The following SHC3 variants were observed in gnomAD, a reference collection of about 807,000 sequenced individuals.
The protein encoded by SHC3 is SHC-transforming protein 3.
In SHC3, 15 loss-of-function variants were observed where a neutral mutation model predicts 60.4. That is an observed-to-expected ratio of 0.25 (90% CI 0.17 to 0.38). The LOEUF (loss-of-function observed/expected upper bound fraction) is 0.38, where lower values mean the gene tolerates loss of function less well. Among genes scored for constraint, SHC3 ranks in the 10% least tolerant of loss-of-function variants. The pLI is 1.00. For synonymous variants in SHC3, 294 were observed against 325.9 expected, an observed-to-expected ratio of 0.90 and a Z score of 1.05; for missense variants, 677 against 786.1, an observed-to-expected ratio of 0.86 and a Z score of 1.66.
At position 89,008,384 on chromosome 9, in the gene SHC3, G is replaced by A. The variant is rs1247799299; in HGVS notation, c.*5063C>T. On this transcript the variant is annotated 3_prime_UTR_variant, in exon 12 of 12. Coordinates refer to ENST00000375835, the MANE Select transcript of SHC3 (RefSeq NM_016848.6). ...CATCAATAAGAGACAGGTAAGGGCT[G>A]GAAACTCTCACTAGTGAGTGGTTCT... 2 of 152,176 alleles carry A rather than the reference G, an allele frequency of 1.3e-5. No homozygotes were observed. The highest frequency in any genetic ancestry group is 2.9e-5 in the Non-Finnish European group (2 of 68,022). The allele number at this position is 152,176 out of a possible 1,614,324, so 9.4% of individuals were successfully genotyped here.
intron 2 of SHC3, among the ~76,000 whole-genome samples, chr9:89,094,725 C>T (rs1409880091): frequency 6.6e-6 from 1 of 152,032 alleles, no homozygotes; most frequent in South Asian, 2.1e-4. Context: ...GCCCTGCATA[C>T]TGGAAGGAAG....
At chr9:89,175,470 C>T (rs889887490) in intron 1 of SHC3, among the ~76,000 whole-genome samples, 1 of 152,198 alleles carries the variant, frequency 6.6e-6, no homozygotes, top group Non-Finnish European at 1.5e-5. Context: ...TCAAAATTCA[C>T]CAGACTTCTG....
chr9:89,075,275 A>G, intron 3 of SHC3, 47 bp from the exon 4 acceptor site: 3 of 1,602,542 alleles, frequency 1.9e-6, no homozygotes, highest in Non-Finnish European at 2.6e-6. Flanking sequence ...TTCCATCTCA[A>G]AGGGTGGGGA....
At chr9:89,021,815 T>G (rs115866197) in intron 11 of SHC3, among the ~76,000 whole-genome samples, 1,694 of 152,294 alleles carry the variant, frequency 0.011, 31 homozygotes, top group African/African-American at 0.039. Context: ...GGAAAAACTC[T>G]GTCACACACA....
chr9:89,060,375 A>AAGAT (rs1015302195), intron 6 of SHC3, among the ~76,000 whole-genome samples: 1 of 151,926 alleles, frequency 6.6e-6, no homozygotes, highest in African/African-American at 2.4e-5. Flanking sequence ...ATGGTGGTGG[A>AAGAT]AGATATGCTG....
chr9:89,173,067 A>C (rs932142596), intron 1 of SHC3, among the ~76,000 whole-genome samples: 2 of 152,222 alleles, frequency 1.3e-5, no homozygotes, highest in Non-Finnish European at 2.9e-5. Flanking sequence ...CAGGCCTCCA[A>C]CCCATAGAGA....
chr9:89,016,432 A>T lies in SHC3; in HGVS notation c.1657-2857T>A, dbSNP rs114609854. ...GCTCATAAATTTGATAATCTAAATT[A>T]AAAAATTCCTTGAAAGACACAACTT... On this transcript the variant is annotated intron_variant, in intron 11 of 11. Transcript: ENST00000375835. Among the ~76,000 whole-genome samples the T allele has an allele frequency of 3.3e-3, 501 of 152,244 alleles. 4 individuals carry two copies. The highest frequency in any genetic ancestry group is 0.011 in the African/African-American group (447 of 41,552).
intron 5 of SHC3, among the ~76,000 whole-genome samples, chr9:89,070,473 G>A (rs994546026): frequency 1.9e-4 from 29 of 152,258 alleles, no homozygotes; most frequent in Admixed American, 3.3e-4. Flanking sequence ...TGTGGATTCC[G>A]CCCTGTCCCG....
At chr9:89,090,201 CT>C (rs1202644401) in intron 2 of SHC3, among the ~76,000 whole-genome samples, 1 of 152,202 alleles carries the variant, frequency 6.6e-6, no homozygotes, top group African/African-American at 2.4e-5. Context: ...CCATTTCTCT[CT>C]CCTCCAGAGG....
intron 1 of SHC3, among the ~76,000 whole-genome samples, chr9:89,140,000 A>T (rs1826370092): frequency 6.6e-6 from 1 of 152,218 alleles, no homozygotes; most frequent in African/African-American, 2.4e-5. Context: ...CAAATGTTTA[A>T]ATTTTGAAGA....
intron 11 of SHC3, among the ~76,000 whole-genome samples, chr9:89,022,816 G>C (rs565682948): frequency 6.6e-6 from 1 of 152,242 alleles, no homozygotes; most frequent in South Asian, 2.1e-4. Flanking sequence ...TTTATTTATG[G>C]ATTTGTCTCA....
At chr9:89,095,467 G>A (rs1336553040) in intron 2 of SHC3, among the ~76,000 whole-genome samples, 1 of 152,134 alleles carries the variant, frequency 6.6e-6, no homozygotes, top group African/African-American at 2.4e-5. Flanking sequence ...GGGGAAGTGG[G>A]GAGTTGTTGT....
chr9:89,116,507 G>A (rs902971306), intron 1 of SHC3, among the ~76,000 whole-genome samples: 1 of 152,102 alleles, frequency 6.6e-6, no homozygotes, highest in Admixed American at 6.5e-5. Context: ...CAAAGCTGCA[G>A]AAATATGTGA....
chr9:89,138,158 T>C (rs2118184724), intron 1 of SHC3, among the ~76,000 whole-genome samples: 1 of 152,326 alleles, frequency 6.6e-6, no homozygotes, highest in Middle Eastern at 3.4e-3. Flanking sequence ...AGATCTGTCC[T>C]ACTGGTGGAG....
chr9:89,077,577 TAA>T (rs1433563685), intron 3 of SHC3, among the ~76,000 whole-genome samples: 2 of 152,202 alleles, frequency 1.3e-5, no homozygotes, highest in Admixed American at 1.3e-4. Flanking sequence ...GACCCTGTTT[TAA>T]GTGTCTGTTG....
In SHC3 at chr9:89,166,250, C is replaced by T. The variant is rs540362012; in HGVS notation, c.474+11737G>A. Among the ~76,000 whole-genome samples, 44 of 152,252 alleles carry T rather than the reference C, an allele frequency of 2.9e-4. No individual in the cohort carries two copies. In the South Asian group the frequency reaches 8.5e-3, roughly 29 times the overall value. On this transcript the variant is annotated intron_variant, in intron 1 of 11. Transcript: ENST00000375835. ...CCATGTCACCACAACTAGTGCAGCC[C>T]CTGGTATTTTCTCTCCTCCGTCTCC...
intron 1 of SHC3, among the ~76,000 whole-genome samples, chr9:89,174,385 A>T (rs1233899106): frequency 6.6e-6 from 1 of 152,236 alleles, no homozygotes; most frequent in Non-Finnish European, 1.5e-5. Flanking sequence ...TACTTTTCTG[A>T]TCGTTAAATC....
intron 1 of SHC3, among the ~76,000 whole-genome samples, chr9:89,157,055 G>A (rs536641465): frequency 3.9e-5 from 6 of 152,178 alleles, no homozygotes; most frequent in Admixed American, 3.3e-4. Context: ...GGTGTCAAGC[G>A]TAAGCAACCC....
At chr9:89,140,289 C>G (rs994471676) in intron 1 of SHC3, among the ~76,000 whole-genome samples, 22 of 152,232 alleles carry the variant, frequency 1.4e-4, no homozygotes, top group Middle Eastern at 3.4e-3. Context: ...GGAAAGCATG[C>G]ATTTTCTAGG....
Sources: gnomAD v4.1 joint callset for allele counts (sites outside exome capture counted in the v4.1 genomes callset) on GRCh38, gnomAD v4.1.1 for gene constraint, MANE v1.5 for transcripts, NCBI Gene and HGNC (gene_info 2026-07-23, HGNC 2026-07-21) for gene names.